CHRNB2: variants seen among roughly 807,000 people sequenced by gnomAD.
CHRNB2 encodes the protein neuronal acetylcholine receptor subunit beta-2.
CHRNB2 carries 33 observed loss-of-function variants against 42.7 expected under a neutral mutation model. The ratio of observed to expected loss-of-function variants is 0.77; its 90% confidence interval spans 0.59 to 1.03. The LOEUF (loss-of-function observed/expected upper bound fraction) is 1.03, where lower values mean the gene tolerates loss of function less well. CHRNB2 is among the 50% of genes least tolerant of loss of function. The probability of loss-of-function intolerance (pLI) is 0.00; values close to 1 mark genes in which losing one functional copy is unlikely to be tolerated. For synonymous variants in CHRNB2, 325 were observed against 292.9 expected (o/e 1.11, Z -1.12); for missense variants, 603 against 700.9 (o/e 0.86, Z 1.58).
At position 154,575,019 on chromosome 1, in the gene CHRNB2, G is replaced by A. The variant is rs934386921; in HGVS notation, c.1339-743G>A. ...CACAGACAGCATTATCTTTTTGACC[G>A]ATTTGTTCACATCTGGGACCTGGTC... is the stretch of plus-strand genomic sequence containing the variant. On this transcript the variant is annotated intron_variant, in intron 5 of 5. Coordinates refer to ENST00000368476, the MANE Select transcript of CHRNB2 (RefSeq NM_000748.3). Among the ~76,000 whole-genome samples the A allele has an allele frequency of 3.5e-4, 54 of 152,124 alleles. 1 individual carries two copies. Among genetic ancestry groups the A allele is most frequent in the African/African-American group, 1.1e-3 (45 of 41,422 alleles).
At chr1:154,570,743 A>G (rs1314501453) in intron 4 of CHRNB2, among the ~76,000 whole-genome samples, 1 of 152,106 alleles carries the variant, frequency 6.6e-6, no homozygotes, top group Non-Finnish European at 1.5e-5. Context: ...GTCTCCTGCA[A>G]TAATCCATCT....
At chr1:154,570,160 G>T (rs1183452007) in intron 3 of CHRNB2, 98 bp from the exon 4 acceptor site, 2 of 817,342 alleles carry the variant, frequency 2.4e-6, no homozygotes, top group Non-Finnish European at 4.2e-6. Flanking sequence ...GCTTTTAAAA[G>T]GTCCCTCAAG....
chr1:154,573,746 C>G (rs192085082), intron 5 of CHRNB2, among the ~76,000 whole-genome samples: 1 of 152,036 alleles, frequency 6.6e-6, no homozygotes, highest in East Asian at 1.9e-4. Flanking sequence ...ACTGGCTTAT[C>G]TTTTATTTAT....
In CHRNB2 at chr1:154,578,405, G is replaced by C. The variant is rs1404949325; in HGVS notation, c.*2473G>C. 3 of 152,280 alleles carry C rather than the reference G, an allele frequency of 2.0e-5. No individual in the cohort carries two copies. Among genetic ancestry groups the C allele is most frequent in the Non-Finnish European group, 4.4e-5 (3 of 68,064 alleles). The allele number at this position is 152,280 out of a possible 1,614,324, so 9.4% of individuals were successfully genotyped here. On this transcript the variant is annotated 3_prime_UTR_variant, in exon 6 of 6. Coordinates refer to ENST00000368476, the MANE Select transcript of CHRNB2 (RefSeq NM_000748.3). ...TAACACACGAGTAAACAGGCCTAGA[G>C]CTTGTCTGCTGTTTGACCTCTTTTA...
rs1274247405 is a variant in CHRNB2 at position 154,571,990 on chromosome 1, C to T, written c.1167C>T (p.Cys389=). The change falls in exon 5 of 6, where the codon TGC becomes TGT. Residue 389 remains cysteine, a synonymous_variant. Coordinates refer to ENST00000368476, the MANE Select transcript of CHRNB2 (RefSeq NM_000748.3). The surrounding 1 kb of genome is among the most constrained non-coding windows in gnomAD (Gnocchi z 6.8). ...REAPGADSCT[C]FVNRASVQGL... ...CCCCAGGGGCCGACTCCTGCACGTGCTTCGTCAACCGCGCGTCGGTGCAGG... is the reference window on the plus strand; with the variant it reads ...CCCCAGGGGCCGACTCCTGCACGTGTTTCGTCAACCGCGCGTCGGTGCAGG... The T allele has an allele frequency of 3.3e-6, 5 of 1,536,638 alleles. No individual in the cohort carries two copies. The highest frequency in any genetic ancestry group is 3.5e-6 in the Non-Finnish European group (4 of 1,146,254).
rs565522221 is a variant in CHRNB2 at position 154,567,993 on chromosome 1, C to G, written c.-52C>G. 342 of 1,480,742 alleles carry G rather than the reference C, an allele frequency of 2.3e-4. 1 individual carries two copies. The highest frequency in any genetic ancestry group is 1.1e-3 in the Middle Eastern group (5 of 4,748). The allele number at this position is 1,480,742 out of a possible 1,614,324, so 91.7% of individuals were successfully genotyped here. ...CAGCGCCCCACCCGCGGCCCTCCCCCCGGCGGCGCGCTCCAGCCGGTGTAG... is the reference window on the plus strand; with the variant it reads ...CAGCGCCCCACCCGCGGCCCTCCCCGCGGCGGCGCGCTCCAGCCGGTGTAG... On this transcript the variant is annotated 5_prime_UTR_variant, in exon 1 of 6. Coordinates refer to ENST00000368476, the MANE Select transcript of CHRNB2 (RefSeq NM_000748.3).
rs573442081 is a variant in CHRNB2 at position 154,576,104 on chromosome 1, C to G, written c.*172C>G. 1 of 774,450 alleles carries G rather than the reference C, an allele frequency of 1.3e-6. No individual in the cohort carries two copies. The highest frequency in any genetic ancestry group is 2.7e-5 in the East Asian group (1 of 37,398). The allele number at this position is 774,450 out of a possible 1,614,324, so 48.0% of individuals were successfully genotyped here. On this transcript the variant is annotated 3_prime_UTR_variant, in exon 6 of 6. Coordinates refer to ENST00000368476, the MANE Select transcript of CHRNB2 (RefSeq NM_000748.3). ...CCACGCCTCCATCCACACACAGCAG[C>G]TCCAACCTGGAGGCTGGACCAACTG...
chr1:154,576,508 C>G lies in CHRNB2; in HGVS notation c.*576C>G, dbSNP rs1696282766. ...GTAGGGTTTAGCCGGGCCCCATGGTCACAGACCCCTGGGGGAGGCTTCCAG... is the reference window on the plus strand; with the variant it reads ...GTAGGGTTTAGCCGGGCCCCATGGTGACAGACCCCTGGGGGAGGCTTCCAG... On this transcript the variant is annotated 3_prime_UTR_variant, in exon 6 of 6. Coordinates refer to ENST00000368476, the MANE Select transcript of CHRNB2 (RefSeq NM_000748.3). 1 of 190,108 alleles carries G rather than the reference C, an allele frequency of 5.3e-6. No individual in the cohort carries two copies. The highest frequency in any genetic ancestry group is 1.1e-4 in the South Asian group (1 of 9,406). The allele number at this position is 190,108 out of a possible 1,614,324, so 11.8% of individuals were successfully genotyped here.
Position 154,571,147 on chromosome 1 carries a change from G to C in CHRNB2, c.366-42G>C, listed in dbSNP as rs1571021620. The C allele has an allele frequency of 3.1e-6, 5 of 1,613,748 alleles. No homozygotes were observed. The East Asian group carries it at 8.9e-5, about 29-fold the overall frequency. ...GGCTGGGTTGATGGGTAAGGAGGAA[G>C]GAACGCTTAGGCCAGGGCTGACTGT... On this transcript the variant is annotated intron_variant, in intron 4 of 5. Coordinates refer to ENST00000368476, the MANE Select transcript of CHRNB2 (RefSeq NM_000748.3). This position sits in a 1 kb window ranked among gnomAD's most constrained non-coding sequence, Gnocchi z 6.8.
Position 154,569,848 on chromosome 1 carries a change from T to C in CHRNB2, c.255+12T>C, listed in dbSNP as rs1383067446. 2.5e-6 allele frequency: 4 copies of C among 1,613,908 alleles called. No individual in the cohort carries two copies. Among genetic ancestry groups the C allele is most frequent in the Non-Finnish European group, 3.4e-6 (4 of 1,179,958 alleles). On this transcript the variant is annotated intron_variant, in intron 3 of 5. Transcript: ENST00000368476. The stretch of plus-strand genomic sequence containing the variant: ...TCTGGCTGACCCAGGTAAGCGTAAG[T>C]GCTCTCTTCCACCCACACCCCTGGC...
chr1:154,570,586 C>G (rs1248255445), intron 4 of CHRNB2, among the ~76,000 whole-genome samples: 1 of 152,068 alleles, frequency 6.6e-6, no homozygotes, highest in Non-Finnish European at 1.5e-5. Context: ...GGTTAGGACT[C>G]CCAGTATGTA....
At chr1:154,574,326 T>G (rs1557853092) in intron 5 of CHRNB2, among the ~76,000 whole-genome samples, 2 of 152,188 alleles carry the variant, frequency 1.3e-5, no homozygotes, top group Non-Finnish European at 2.9e-5. Flanking sequence ...CTCATATAAA[T>G]TCAACATTTA....
intron 5 of CHRNB2, 55 bp downstream of exon 5, chr1:154,572,216 G>A (rs1696188192): frequency 6.5e-6 from 10 of 1,532,774 alleles, no homozygotes; most frequent in South Asian, 4.8e-5. Flanking sequence ...GCCAGGGCCC[G>A]GGTATCTGGA....
chr1:154,576,222 G>T lies in CHRNB2; in HGVS notation c.*290G>T. The T allele has an allele frequency of 2.1e-6, 1 of 484,178 alleles. No individual in the cohort carries two copies. The highest frequency in any genetic ancestry group is 3.8e-6 in the Non-Finnish European group (1 of 262,138). The allele number at this position is 484,178 out of a possible 1,614,324, so 30.0% of individuals were successfully genotyped here. A position where few individuals can be genotyped will look rare whatever the true frequency, so the allele number is the denominator to read the frequency against. On this transcript the variant is annotated 3_prime_UTR_variant, in exon 6 of 6. Coordinates refer to ENST00000368476, the MANE Select transcript of CHRNB2 (RefSeq NM_000748.3). ...TGCTAAGTGGAAGACAGAGATGGCA[G>T]AGCCATCCACCCTGAGGAGTGATGG...
intron 1 of CHRNB2, among the ~76,000 whole-genome samples, chr1:154,569,004 A>G (rs1231773350): frequency 6.6e-6 from 1 of 151,618 alleles, no homozygotes; most frequent in Non-Finnish European, 1.5e-5. Flanking sequence ...TTTGTGTCCC[A>G]CCACACATAC....
Position 154,567,929 on chromosome 1 carries a change from G to A in CHRNB2, c.-116G>A, listed in dbSNP as rs1696089139. 2.0e-6 allele frequency: 2 copies of A among 996,362 alleles called. No individual in the cohort carries two copies. The highest frequency in any genetic ancestry group is 3.4e-5 in the African/African-American group (2 of 58,060). 61.7% of individuals were successfully genotyped at this position (996,362 alleles called of 1,614,324 possible). On this transcript the variant is annotated 5_prime_UTR_variant, in exon 1 of 6. Transcript: ENST00000368476. The stretch of plus-strand genomic sequence containing the variant: ...ACCACCGCGGCGGCCGGCACCACCT[G>A]GACCCAGCTCCAGGCGGGCGCGGCT...
chr1:154,569,678 T>C, intron 2 of CHRNB2, 71 bp downstream of exon 2: 1 of 1,613,178 alleles, frequency 6.2e-7, no homozygotes, highest in East Asian at 2.2e-5. Context: ...AATGCTTGTG[T>C]GCTTCCTCCC....
At position 154,571,633 on chromosome 1, in the gene CHRNB2, C is replaced by T. The variant is rs937098042; in HGVS notation, c.810C>T (p.Ile270=). ...GTGGCGAGAAGATGACGTTGTGCAT[C>T]TCAGTGCTGCTGGCGCTCACGGTCT... The part of the protein sequence containing the change: ...SDCGEKMTLC[I]SVLLALTVFL... The change falls in exon 5 of 6, where the codon ATC becomes ATT. Residue 270 remains isoleucine, a synonymous_variant. Coordinates refer to ENST00000368476, the MANE Select transcript of CHRNB2 (RefSeq NM_000748.3). The surrounding 1 kb of genome is among the most constrained non-coding windows in gnomAD (Gnocchi z 6.8). 1 of 1,614,126 alleles carries T rather than the reference C, an allele frequency of 6.2e-7. No individual in the cohort carries two copies. Among genetic ancestry groups the T allele is most frequent in the Non-Finnish European group, 8.5e-7 (1 of 1,180,044 alleles).
intron 5 of CHRNB2, among the ~76,000 whole-genome samples, chr1:154,572,900 G>C (rs879889288): frequency 1.3e-5 from 2 of 152,050 alleles, no homozygotes; most frequent in Non-Finnish European, 2.9e-5. Flanking sequence ...CCAAGAGTTG[G>C]GGGGAGATAT....
Sources: gnomAD v4.1 joint callset for allele counts (sites outside exome capture counted in the v4.1 genomes callset) on GRCh38, gnomAD v4.1.1 for gene constraint, Gnocchi (gnomAD v3.1) non-coding constraint, MANE v1.5 for transcripts, NCBI Gene and HGNC (gene_info 2026-07-23, HGNC 2026-07-21) for gene names.